JAK1: variants seen among roughly 807,000 people sequenced by gnomAD.
JAK1 encodes tyrosine-protein kinase JAK1.
Under a neutral mutation model 136.6 loss-of-function variants are expected in JAK1, and 16 were observed. That is an observed-to-expected ratio of 0.12 (90% CI 0.08 to 0.18). JAK1 has a LOEUF of 0.18. Ranked by LOEUF, JAK1 falls within the 10% of genes least tolerant of loss-of-function variation. JAK1 has a pLI of 1.00. For missense variants in JAK1, 859 were observed against 1,450.1 expected (o/e 0.59, Z 6.62); for synonymous variants, 492 against 519.5 (o/e 0.95, Z 0.72).
intron 12 of JAK1, 129 bp downstream of exon 12, chr1:64,850,675 G>A: frequency 1.5e-6 from 1 of 669,794 alleles, no homozygotes; most frequent in South Asian, 1.7e-5. Flanking sequence ...TGCCATCAAA[G>A]GAAAGTCTCC....
chr1:64,834,409 C>CCTT lies in JAK1; in HGVS notation c.*150_*152dup, dbSNP rs1654335490. The CCTT allele has an allele frequency of 1.7e-6, 1 of 588,742 alleles. No individual in the cohort carries two copies. Among genetic ancestry groups the CCTT allele is most frequent in the Non-Finnish European group, 3.1e-6 (1 of 323,814 alleles). The allele number at this position is 588,742 out of a possible 1,614,324, so 36.5% of individuals were successfully genotyped here. ...TACACATATTAAGCACTACAGTGTG[C>CCTT]CTTATACATGTATATGTACTGAAGT... is the stretch of plus-strand genomic sequence containing the variant. On this transcript the variant is annotated 3_prime_UTR_variant, in exon 25 of 25. Coordinates refer to ENST00000342505, the MANE Select transcript of JAK1 (RefSeq NM_002227.4).
intron 2 of JAK1, 66 bp downstream of exon 2, chr1:64,886,193 C>T: frequency 9.4e-7 from 1 of 1,062,506 alleles, no homozygotes; most frequent in Middle Eastern, 2.1e-4. Flanking sequence ...GCCTCAAGAA[C>T]ACGGTTTCAT....
chr1:65,039,225 T>A (rs1479196012), intron 2 of JAK1, among the ~76,000 whole-genome samples: 1 of 152,198 alleles, frequency 6.6e-6, no homozygotes, highest in Non-Finnish European at 1.5e-5. Context: ...AACCTAGACA[T>A]CCTTTTGACC....
chr1:65,013,399 A>AAAAAAAAAC (rs1017680185), intron 2 of JAK1, among the ~76,000 whole-genome samples: 3 of 151,940 alleles, frequency 2.0e-5, no homozygotes, highest in African/African-American at 7.2e-5. Flanking sequence ...CTGTCTAAAA[A>AAAAAAAAAC]AAAAAAAACA....
rs796879279 is a variant in JAK1, at chr1:64,842,744, A to G, written c.2404-1143T>C. ...AGGGTATGTTGTTTCATTTCCAAGG[A>G]TCCAAGGAAGTTAAAAATAAATATG... is the stretch of plus-strand genomic sequence containing the variant. On this transcript the variant is annotated intron_variant, in intron 17 of 24. Transcript: ENST00000342505. Among the ~76,000 whole-genome samples the G allele has an allele frequency of 2.0e-5, 3 of 152,180 alleles. No homozygotes were observed. In the South Asian group the frequency reaches 6.2e-4, roughly 31 times the overall value.
chr1:65,003,942 TG>T (rs1646783489), intron 2 of JAK1: 1 of 152,224 alleles, frequency 6.6e-6, no homozygotes, highest in African/African-American at 2.4e-5. Flanking sequence ...AACACTTTTT[TG>T]TTTTGTTTTG....
At chr1:64,894,193 C>T (rs995631414) in intron 1 of JAK1, among the ~76,000 whole-genome samples, 4 of 152,352 alleles carry the variant, frequency 2.6e-5, no homozygotes. Flanking sequence ...AACTCTGCTG[C>T]TTCCATGAAT....
intron 1 of JAK1, among the ~76,000 whole-genome samples, chr1:64,930,704 T>C (rs912188466): frequency 5.9e-5 from 9 of 152,176 alleles, no homozygotes; most frequent in African/African-American, 2.2e-4. Context: ...CACATATATG[T>C]TTATTGCAGC....
At position 64,978,616 on chromosome 1, in the gene JAK1, G is replaced by A. The variant is rs141642728; in HGVS notation, c.-78+65864C>T. On this transcript the variant is annotated intron_variant, in intron 2 of 25. Transcript: ENST00000671954. ...GATGATGGCCTCCTCTGAGGCCAGT[G>A]AGCCCAAGGATGCTTTACTTCAAAA... 3.6e-3 allele frequency among the ~76,000 whole-genome samples: 551 copies of A among 152,272 alleles called. 3 individuals are homozygous for A. Among genetic ancestry groups the A allele is most frequent in the African/African-American group, 0.012 (515 of 41,538 alleles).
At chr1:64,857,261 G>A (rs1488410556) in intron 10 of JAK1, among the ~76,000 whole-genome samples, 1 of 152,228 alleles carries the variant, frequency 6.6e-6, no homozygotes, top group African/African-American at 2.4e-5. Flanking sequence ...TTGTACCAGT[G>A]AATGCTGTAG....
intron 3 of JAK1, among the ~76,000 whole-genome samples, chr1:64,882,664 A>G (rs953761157): frequency 6.6e-6 from 1 of 152,190 alleles, no homozygotes; most frequent in African/African-American, 2.4e-5. Context: ...TCTGAGGGCA[A>G]CAGGCTAACT....
chr1:64,924,551 A>G (rs1645550122), intron 1 of JAK1, among the ~76,000 whole-genome samples: 1 of 152,200 alleles, frequency 6.6e-6, no homozygotes, highest in South Asian at 2.1e-4. Flanking sequence ...GAGGCCAAGT[A>G]GGGTCTTGTC....
At chr1:64,947,072 T>C (rs899563605) in intron 1 of JAK1, among the ~76,000 whole-genome samples, 1 of 152,222 alleles carries the variant, frequency 6.6e-6, no homozygotes, top group Admixed American at 6.5e-5. Context: ...AAGCAATGGG[T>C]AGTTATTATC....
chr1:64,946,531 C>T (rs1010378913), intron 1 of JAK1, among the ~76,000 whole-genome samples: 8 of 152,232 alleles, frequency 5.3e-5, no homozygotes, highest in African/African-American at 1.9e-4. Flanking sequence ...ATCATACTTA[C>T]TTCCACAGTG....
At chr1:64,972,293 A>G (rs1464533894) in intron 2 of JAK1, 1 of 152,272 alleles carries the variant, frequency 6.6e-6, no homozygotes, top group Non-Finnish European at 1.5e-5. Context: ...TTTTTAAAAC[A>G]TTAAAGGTAC....
intron 2 of JAK1, among the ~76,000 whole-genome samples, chr1:64,998,517 A>T (rs1183358421): frequency 6.6e-6 from 1 of 152,228 alleles, no homozygotes; most frequent in Non-Finnish European, 1.5e-5. Context: ...AACTGAAGTA[A>T]TCTCTGGCCG....
At chr1:64,888,293 T>C (rs1290287950) in intron 1 of JAK1, among the ~76,000 whole-genome samples, 1 of 152,224 alleles carries the variant, frequency 6.6e-6, no homozygotes, top group Non-Finnish European at 1.5e-5. Context: ...GTGATTCTCA[T>C]GCCTCAGCCT....
At chr1:65,025,491 A>G (rs1359426694) in intron 2 of JAK1, among the ~76,000 whole-genome samples, 1 of 152,178 alleles carries the variant, frequency 6.6e-6, no homozygotes, top group Non-Finnish European at 1.5e-5. Context: ...GCCACAGGGT[A>G]AAATACTATT....
At chr1:65,044,531 C>T (rs998118268) in exon 2 of JAK1, among the ~76,000 whole-genome samples, 3 of 152,200 alleles carry the variant, frequency 2.0e-5, no homozygotes, top group African/African-American at 4.8e-5. Context: ...AGAGAGTCAA[C>T]GTGACTTTTA....
Sources: gnomAD v4.1 joint callset for allele counts (sites outside exome capture counted in the v4.1 genomes callset) on GRCh38, gnomAD v4.1.1 for gene constraint, MANE v1.5 for transcripts, NCBI Gene and HGNC (gene_info 2026-07-23, HGNC 2026-07-21) for gene names.